The following MACROD2 variants were observed in gnomAD, a reference collection of about 807,000 sequenced individuals.
The protein encoded by MACROD2 is mono-ADP ribosylhydrolase 2, also known as ADP-ribose glycohydrolase MACROD2.
MACROD2 carries 36 observed loss-of-function variants against 70.4 expected under a neutral mutation model. That is an observed-to-expected ratio of 0.51 (90% CI 0.39 to 0.68). The LOEUF (loss-of-function observed/expected upper bound fraction) is 0.68, where lower values mean the gene tolerates loss of function less well. Ranked by LOEUF, MACROD2 falls within the 30% of genes least tolerant of loss-of-function variation. The pLI is 0.00. For synonymous variants in MACROD2, 172 were observed against 178.8 expected (o/e 0.96, Z 0.30); for missense variants, 496 against 538.4 (o/e 0.92, Z 0.78).
chr20:14,299,650 G>C (rs190419011), intron 3 of MACROD2, among the ~76,000 whole-genome samples: 2 of 152,262 alleles, frequency 1.3e-5, no homozygotes. Flanking sequence ...AGGTATGCCT[G>C]TACATGGGAA....
At chr20:15,299,664 G>C (rs2146123189) in intron 6 of MACROD2, among the ~76,000 whole-genome samples, 1 of 152,286 alleles carries the variant, frequency 6.6e-6, no homozygotes, top group East Asian at 1.9e-4. Flanking sequence ...AATCAATACT[G>C]TCCTAATCCA....
At chr20:15,758,357 G>A (rs1039478780) in intron 8 of MACROD2, among the ~76,000 whole-genome samples, 5 of 150,048 alleles carry the variant, frequency 3.3e-5, no homozygotes, top group Admixed American at 6.7e-5. Context: ...TCCTGCCTCA[G>A]CCTCCTGAGT....
intron 5 of MACROD2, among the ~76,000 whole-genome samples, chr20:15,215,218 T>C (rs1211530617): frequency 1.3e-5 from 2 of 151,620 alleles, no homozygotes. Context: ...CATGAAAATA[T>C]TGAATATTTT....
At chr20:14,440,133 G>T (rs1014192042) in intron 3 of MACROD2, among the ~76,000 whole-genome samples, 1 of 152,110 alleles carries the variant, frequency 6.6e-6, no homozygotes, top group Admixed American at 6.5e-5. Flanking sequence ...CAAACTCCCT[G>T]GAATTGGCTT....
At chr20:14,510,756 C>T (rs2085020758) in intron 4 of MACROD2, among the ~76,000 whole-genome samples, 1 of 152,038 alleles carries the variant, frequency 6.6e-6, no homozygotes, top group South Asian at 2.1e-4. Flanking sequence ...ATTTCCCTAT[C>T]CCATGCATAG....
intron 10 of MACROD2, chr20:15,893,631 C>T (rs187150484): frequency 9.0e-6 from 4 of 443,584 alleles, no homozygotes; most frequent in East Asian, 7.0e-5. Context: ...TCATGTGAAC[C>T]TCAAACCTAA....
intron 4 of MACROD2, among the ~76,000 whole-genome samples, chr20:14,584,105 A>G (rs6135192): frequency 0.11 from 16,048 of 152,132 alleles, 1,250 homozygotes; most frequent in South Asian, 0.33. Context: ...ATTCTAACCA[A>G]TGAATTATAT....
chr20:14,359,096 G>A (rs1313333641), intron 3 of MACROD2, among the ~76,000 whole-genome samples: 2 of 152,102 alleles, frequency 1.3e-5, no homozygotes, highest in African/African-American at 2.4e-5. Flanking sequence ...GTTGGGGTGA[G>A]AGGATCACTT....
At chr20:14,543,242 T>C (rs2085454264) in intron 4 of MACROD2, among the ~76,000 whole-genome samples, 1 of 152,064 alleles carries the variant, frequency 6.6e-6, no homozygotes, top group Non-Finnish European at 1.5e-5. Context: ...GTATACAGAG[T>C]GGACATGCTG....
At chr20:14,489,916 A>G (rs1232397602) in intron 3 of MACROD2, among the ~76,000 whole-genome samples, 4 of 150,644 alleles carry the variant, frequency 2.7e-5, no homozygotes. Flanking sequence ...GCTGGAGTGC[A>G]GTGGCACAAT....
intron 5 of MACROD2, among the ~76,000 whole-genome samples, chr20:14,722,220 G>T (rs556651620): frequency 6.6e-6 from 1 of 152,274 alleles, no homozygotes; most frequent in South Asian, 2.1e-4. Flanking sequence ...GCAATTCAAG[G>T]CTTTGCTGGC....
intron 5 of MACROD2, among the ~76,000 whole-genome samples, chr20:14,962,442 A>T (rs939765296): frequency 5.6e-5 from 8 of 143,456 alleles, no homozygotes; most frequent in Non-Finnish European, 1.1e-4. Context: ...ACACATATAT[A>T]TAGTATTTAT....
At chr20:14,467,975 CTGTT>C (rs1482038680) in intron 3 of MACROD2, among the ~76,000 whole-genome samples, 6 of 152,024 alleles carry the variant, frequency 3.9e-5, no homozygotes, top group African/African-American at 1.2e-4. Flanking sequence ...GTCTGAGAGA[CTGTT>C]TGTTATCATT....
chr20:14,229,855 A>G (rs553235965), intron 3 of MACROD2, among the ~76,000 whole-genome samples: 1 of 152,340 alleles, frequency 6.6e-6, no homozygotes, highest in Non-Finnish European at 1.5e-5. Flanking sequence ...GATATAATGG[A>G]ATACAGATAT....
intron 8 of MACROD2, among the ~76,000 whole-genome samples, chr20:15,845,214 T>G (rs1238824302): frequency 6.6e-6 from 1 of 152,120 alleles, no homozygotes; most frequent in Non-Finnish European, 1.5e-5. Flanking sequence ...AGATCCTAAT[T>G]CCAATGACTG....
At chr20:14,127,333 C>CA (rs1391356395) in intron 3 of MACROD2, 25 of 315,152 alleles carry the variant, frequency 7.9e-5, no homozygotes. Context: ...AAGTTTGGGC[C>CA]ATAGTGTGCA....
intron 5 of MACROD2, among the ~76,000 whole-genome samples, chr20:14,821,365 C>G (rs777440795): frequency 6.6e-6 from 1 of 151,968 alleles, no homozygotes; most frequent in Non-Finnish European, 1.5e-5. Context: ...GTGTCAATAA[C>G]TAGCAGAGAG....
intron 4 of MACROD2, among the ~76,000 whole-genome samples, chr20:14,507,647 A>G (rs1221351532): frequency 6.6e-6 from 1 of 152,202 alleles, no homozygotes; most frequent in Non-Finnish European, 1.5e-5. Context: ...TTATATTGCC[A>G]TTTTAAATAT....
rs1313482020 is a variant in MACROD2 at position 15,407,202 on chromosome 20, T to C, written c.541-24203T>C. ...GCAACTCAGGCCTAGAGGTGTTCTC[T>C]TGCTGGGAGGTTGTGCTTTGTTCAG... On this transcript the variant is annotated intron_variant, in intron 6 of 17. Coordinates refer to ENST00000684519, the MANE Select transcript of MACROD2 (RefSeq NM_001351661.2). Among the ~76,000 whole-genome samples, 4 of 152,168 alleles carry C rather than the reference T, an allele frequency of 2.6e-5. No individual in the cohort carries two copies. The East Asian group carries it at 5.8e-4, about 22-fold the overall frequency.
Sources: gnomAD v4.1 joint callset for allele counts (sites outside exome capture counted in the v4.1 genomes callset) on GRCh38, gnomAD v4.1.1 for gene constraint, MANE v1.5 for transcripts, NCBI Gene and HGNC (gene_info 2026-07-23, HGNC 2026-07-21) for gene names.